Variants in OSGIN1 observed in about 807,000 individuals in gnomAD.
The protein encoded by OSGIN1 is oxidative stress induced growth inhibitor 1, also known as oxidative stress-induced growth inhibitor 1.
In OSGIN1, 19 loss-of-function variants were observed where a neutral mutation model predicts 20.1. That is an observed-to-expected ratio of 0.95 (90% CI 0.66 to 1.39). The LOEUF (loss-of-function observed/expected upper bound fraction) is 1.39, where lower values mean the gene tolerates loss of function less well. Among genes scored for constraint, OSGIN1 ranks in the 40% most tolerant of loss-of-function variants. OSGIN1 has a pLI of 0.00. For synonymous variants in OSGIN1, 368 were observed against 297.8 expected, an observed-to-expected ratio of 1.24 and a Z score of -2.43; for missense variants, 820 against 653.0, an observed-to-expected ratio of 1.26 and a Z score of -2.79.
chr16:83,959,306 C>T lies in OSGIN1; in HGVS notation c.114C>T (p.Tyr38=), dbSNP rs545129341. The T allele has an allele frequency of 3.7e-6, 6 of 1,613,816 alleles. No homozygotes were observed. The African/African-American group carries it at 5.3e-5, about 14-fold the overall frequency. Residue 38 remains tyrosine (Y), a synonymous_variant, in exon 3 of 6, where the codon TAC becomes TAT. Transcript: ENST00000393306. ...GICLSYLLSG[Y]TPYTKPDAIH... ...GCCTGTCCTACCTGCTCTCCGGCTA[C>T]ACACCCTACACGAAGCCAGATGCCA...
chr16:83,965,923 G>T lies in OSGIN1; in HGVS notation c.1350G>T (p.Gly450=). Residue 450 remains glycine (G), a synonymous_variant, in exon 6 of 6, where the codon GGG becomes GGT. Transcript: ENST00000393306. ...TGTACGCCATGGGGCCGCTGGCCGG[G>T]GACAACTTCGTGAGGTTTGTGCAGG... ...EGLYAMGPLA[G]DNFVRFVQGG... 6.2e-7 allele frequency: 1 copy of T among 1,612,666 alleles called. No homozygotes were observed. The highest frequency in any genetic ancestry group is 8.5e-7 in the Non-Finnish European group (1 of 1,179,938).
At chr16:83,961,864 C>T (rs538115077) in intron 5 of OSGIN1, among the ~76,000 whole-genome samples, 2 of 152,330 alleles carry the variant, frequency 1.3e-5, no homozygotes, top group African/African-American at 2.4e-5. Context: ...CACAGGTCCC[C>T]CAGTCCTTGT....
Position 83,965,067 on chromosome 16 carries a change from T to G in OSGIN1, c.494T>G (p.Leu165Arg), listed in dbSNP as rs750206891. ...KDWMQKKRRG[L>R]RNSRATAGDI... ...TCCTGCATCCTCCCCAACAGAGGTC[T>G]TCGCAACAGCCGGGCCACTGCCGGG... is the stretch of plus-strand genomic sequence containing the variant. The change falls in exon 6 of 6, where the codon CTT becomes CGT. Residue 165 changes from leucine to arginine, a missense_variant. Coordinates refer to ENST00000393306, the MANE Select transcript of OSGIN1 (RefSeq NM_182981.3). 1.3e-6 allele frequency: 2 copies of G among 1,504,850 alleles called. No homozygotes were observed. The highest frequency in any genetic ancestry group is 1.8e-6 in the Non-Finnish European group (2 of 1,110,258). 93.2% of individuals were successfully genotyped at this position (1,504,850 alleles called of 1,614,324 possible).
At chr16:83,962,072 CAGA>C (rs2084221643) in intron 5 of OSGIN1, among the ~76,000 whole-genome samples, 1 of 151,136 alleles carries the variant, frequency 6.6e-6, no homozygotes, top group Non-Finnish European at 1.5e-5. Context: ...ATTGGAAATG[CAGA>C]AGGAAAACAG....
At position 83,965,654 on chromosome 16, in the gene OSGIN1, C is replaced by T. The variant is rs754441976; in HGVS notation, c.1081C>T (p.Leu361Phe). The T allele has an allele frequency of 1.1e-5, 17 of 1,613,322 alleles. No individual in the cohort carries two copies. The highest frequency in any genetic ancestry group is 1.4e-5 in the Non-Finnish European group (17 of 1,180,016). The change falls in exon 6 of 6, where the codon CTC becomes TTC. Residue 361 changes from leucine to phenylalanine, a missense_variant. By Grantham distance (22) the Leu-to-Phe change is conservative. Coordinates refer to ENST00000393306, the MANE Select transcript of OSGIN1 (RefSeq NM_182981.3). ...SPSPYEGYRS[L>F]PRHQLLCFKE... ...CAGCCCCTATGAGGGTTACCGCAGC[C>T]TCCCCAGGCACCAGCTGCTGTGCTT...
intron 3 of OSGIN1, 38 bp downstream of exon 3, chr16:83,959,434 A>G: frequency 1.9e-6 from 3 of 1,545,550 alleles, no homozygotes; most frequent in Non-Finnish European, 2.6e-6. Context: ...GGTAGTACAT[A>G]CCCGCCCTTG....
intron 2 of OSGIN1, among the ~76,000 whole-genome samples, chr16:83,958,324 C>T (rs1019985545): frequency 6.6e-6 from 1 of 152,166 alleles, no homozygotes; most frequent in Non-Finnish European, 1.5e-5. Flanking sequence ...CAGCTGGAGG[C>T]GACCCGGCGT....
At chr16:83,960,898 C>A in intron 4 of OSGIN1, 83 bp from the exon 5 acceptor site, 1 of 1,514,860 alleles carries the variant, frequency 6.6e-7, no homozygotes, top group Non-Finnish European at 9.1e-7. Context: ...CTACCCAGCC[C>A]CAGCAAAGGC....
intron 2 of OSGIN1, 139 bp from the exon 3 acceptor site, chr16:83,959,121 G>A: frequency 3.0e-6 from 2 of 663,348 alleles, no homozygotes; most frequent in Non-Finnish European, 5.3e-6. Context: ...GTCTGGCACA[G>A]GCTAAGGGCT....
chr16:83,957,580 C>A (rs1002352915), intron 1 of OSGIN1, 60 bp from the exon 2 acceptor site: 4 of 859,112 alleles, frequency 4.7e-6, no homozygotes, highest in Middle Eastern at 4.3e-4. Flanking sequence ...GGTGAAGTGG[C>A]TGTGTGGACA....
chr16:83,965,734 T>G lies in OSGIN1; in HGVS notation c.1161T>G (p.Phe387Leu). ...ACCTCGAGGGTGTCGAGAAGGTGTTTGGGGTCTCCCTGGTGCTGGTCCTCA... is the reference window on the plus strand; with the variant it reads ...ACCTCGAGGGTGTCGAGAAGGTGTTGGGGGTCTCCCTGGTGCTGGTCCTCA... ...FQDLEGVEKV[F>L]GVSLVLVLIG... The change falls in exon 6 of 6, where the codon TTT becomes TTG. Residue 387 changes from phenylalanine to leucine, a missense_variant. Phe to Leu is a conservative substitution (Grantham distance 22). Coordinates refer to ENST00000393306, the MANE Select transcript of OSGIN1 (RefSeq NM_182981.3). The G allele has an allele frequency of 6.2e-7, 1 of 1,613,648 alleles. No homozygotes were observed. The highest frequency in any genetic ancestry group is 8.5e-7 in the Non-Finnish European group (1 of 1,180,002).
rs2084271151 is a variant in OSGIN1 at position 83,965,711 on chromosome 16, C to T, written c.1138C>T (p.Leu380Phe). The T allele has an allele frequency of 6.2e-7, 1 of 1,613,674 alleles. No individual in the cohort carries two copies. Among genetic ancestry groups the T allele is most frequent in the Non-Finnish European group, 8.5e-7 (1 of 1,180,028 alleles). ...AGACTGCCAGGCCGTGTTCCAGGAC[C>T]TCGAGGGTGTCGAGAAGGTGTTTGG... ...KEDCQAVFQD[L>F]EGVEKVFGVS... is the part of the protein sequence containing the mutation. Residue 380 changes from leucine (L) to phenylalanine (F), a missense_variant, in exon 6 of 6, where the codon CTC becomes TTC. Transcript: ENST00000393306.
intron 2 of OSGIN1, 35 bp from the exon 3 acceptor site, chr16:83,959,225 G>C: frequency 1.9e-6 from 3 of 1,593,492 alleles, no homozygotes; most frequent in Non-Finnish European, 2.6e-6. Context: ...CACCTGAAAA[G>C]GCCACCCCCT....
At position 83,960,813 on chromosome 16, in the gene OSGIN1, C is replaced by T. The variant is rs555056420; in HGVS notation, c.396+53C>T. 1,793 of 1,575,452 alleles carry T rather than the reference C, an allele frequency of 1.1e-3. 3 individuals are homozygous for T. The highest frequency in any genetic ancestry group is 1.5e-3 in the Non-Finnish European group (1,712 of 1,154,048). On this transcript the variant is annotated intron_variant, in intron 4 of 5. Coordinates refer to ENST00000393306, the MANE Select transcript of OSGIN1 (RefSeq NM_182981.3). The stretch of plus-strand genomic sequence containing the variant: ...GTGGGGGGCTCTCTCCCTCGTTCTC[C>T]CCACTTGGGGCTGGGACTCTGGCAT...
At chr16:83,956,387 T>C (rs554580524) in intron 1 of OSGIN1, among the ~76,000 whole-genome samples, 1 of 152,302 alleles carries the variant, frequency 6.6e-6, no homozygotes, top group African/African-American at 2.4e-5. Flanking sequence ...GAAATCCAGA[T>C]TCCCACTTTC....
chr16:83,960,687 C>T lies in OSGIN1; in HGVS notation c.323C>T (p.Thr108Ile), dbSNP rs550884680. Residue 108 changes from threonine (T) to isoleucine (I), a missense_variant, in exon 4 of 6, where the codon ACC becomes ATC. Thr to Ile is a moderately conservative substitution (Grantham distance 89). Coordinates refer to ENST00000393306, the MANE Select transcript of OSGIN1 (RefSeq NM_182981.3). ...GGGGGAAACATGAAGTCGGTCCTCA[C>T]CTGGAAGCACCGGAAGGAGCACGCC... ...DFGGNMKSVL[T>I]WKHRKEHAIP... The T allele has an allele frequency of 3.8e-5, 61 of 1,613,498 alleles. No individual in the cohort carries two copies. Among genetic ancestry groups the T allele is most frequent in the Non-Finnish European group, 4.7e-5 (56 of 1,180,046 alleles).
chr16:83,960,909 C>A, intron 4 of OSGIN1, 72 bp from the exon 5 acceptor site: 1 of 1,535,932 alleles, frequency 6.5e-7, no homozygotes, highest in Non-Finnish European at 9.0e-7. Context: ...CAGCAAAGGC[C>A]TCCCATGCCC....
intron 5 of OSGIN1, among the ~76,000 whole-genome samples, chr16:83,961,862 C>T (rs1470311422): frequency 6.6e-6 from 1 of 152,200 alleles, no homozygotes; most frequent in East Asian, 1.9e-4. Context: ...GGCACAGGTC[C>T]CCCAGTCCTT....
In OSGIN1 at chr16:83,965,209, G is replaced by C. The variant is rs1170867469; in HGVS notation, c.636G>C (p.Gly212=). The C allele has an allele frequency of 4.3e-6, 7 of 1,612,996 alleles. No homozygotes were observed. Among genetic ancestry groups the C allele is most frequent in the Non-Finnish European group, 5.9e-6 (7 of 1,179,998 alleles). The part of the protein sequence containing the change: ...EWGTPDPSSC[G]AQDSSPLFQV... ...GGACCCCCGATCCCAGCAGCTGTGG[G>C]GCCCAGGACTCCAGCCCCCTCTTCC... is the stretch of plus-strand genomic sequence containing the variant. Residue 212 remains glycine (G), a synonymous_variant, in exon 6 of 6, where the codon GGG becomes GGC. Coordinates refer to ENST00000393306, the MANE Select transcript of OSGIN1 (RefSeq NM_182981.3).
Sources: allele counts gnomAD v4.1 joint callset (sites outside exome capture counted in the v4.1 genomes callset), GRCh38; gene constraint gnomAD v4.1.1; transcripts MANE v1.5; gene names NCBI Gene and HGNC (gene_info 2026-07-23, HGNC 2026-07-21).